EMX1: variants seen among roughly 807,000 people sequenced by gnomAD.
EMX1 encodes homeobox protein EMX1.
A neutral mutation model predicts 20.1 loss-of-function variants in EMX1; 10 were observed. That is an observed-to-expected ratio of 0.50 (90% CI 0.31 to 0.84). EMX1 has a LOEUF of 0.84. EMX1 is among the 40% of genes least tolerant of loss of function. The pLI, the probability that EMX1 is intolerant of heterozygous loss-of-function variation, is 0.05. For missense variants in EMX1, 424 were observed against 431.9 expected (o/e 0.98, Z 0.16); for synonymous variants, 250 against 200.4 (o/e 1.25, Z -2.09).
At chr2:72,916,517 G>T (rs1670964596), upstream of EMX1, 5 of 598,946 alleles carry the variant, frequency 8.3e-6, no homozygotes, top group Non-Finnish European at 1.5e-5. Context: ...GGGGAGTCCC[G>T]GCTCTCACAG....
chr2:72,933,531 C>T, intron 2 of EMX1: 1 of 512,140 alleles, frequency 2.0e-6, no homozygotes, highest in African/African-American at 1.9e-5. Context: ...AGCTCTGTGA[C>T]CCTTTGTTTG....
At chr2:72,916,480 G>A, upstream of EMX1, 1 of 589,578 alleles carries the variant, frequency 1.7e-6, no homozygotes, top group Non-Finnish European at 3.0e-6. Flanking sequence ...GCCTTTCTGC[G>A]GCCTCGAAGG....
At chr2:72,932,174 C>T (rs921332734) in intron 2 of EMX1, among the ~76,000 whole-genome samples, 7 of 152,238 alleles carry the variant, frequency 4.6e-5, no homozygotes, top group Non-Finnish European at 1.5e-5. Context: ...CAAGAGGCTA[C>T]CCACCATTCC....
At chr2:72,932,281 GGCCTTGTA>G (rs1211330655) in intron 2 of EMX1, among the ~76,000 whole-genome samples, 2 of 152,214 alleles carry the variant, frequency 1.3e-5, no homozygotes, top group African/African-American at 4.8e-5. Context: ...AAACCATCCA[GGCCTTGTA>G]GCCTGCCCTC....
At chr2:72,924,233 C>T in intron 1 of EMX1, 76 bp from the exon 2 acceptor site, 2 of 1,522,782 alleles carry the variant, frequency 1.3e-6, no homozygotes, top group Non-Finnish European at 1.8e-6. Context: ...AGGCCAGGCT[C>T]TGTTGGGCCC....
upstream of EMX1, chr2:72,916,478 G>T (rs983593781): frequency 1.0e-5 from 6 of 589,642 alleles, no homozygotes; most frequent in African/African-American, 3.7e-5. Context: ...GCGCCTTTCT[G>T]CGGCCTCGAA....
In EMX1 at chr2:72,923,221, A is replaced by G. The variant is rs138921106; in HGVS notation, c.521-1088A>G. On this transcript the variant is annotated intron_variant, in intron 1 of 2. Transcript: ENST00000258106. ...TCCTGCATGTGGGAGCTGAGTCCCT[A>G]TGCTGGCCAACATTTGCTAAGGGAC... Among the ~76,000 whole-genome samples, 25 of 152,212 alleles carry G rather than the reference A, an allele frequency of 1.6e-4. No homozygotes were observed. In the East Asian group the frequency reaches 4.8e-3, roughly 29 times the overall value.
At chr2:72,925,817 C>A in intron 2 of EMX1, 1 of 985,440 alleles carries the variant, frequency 1.0e-6, no homozygotes, top group Non-Finnish European at 1.2e-6. Flanking sequence ...GTCGTCATAT[C>A]TGTCTGCTGC....
chr2:72,926,498 C>CCTGTCCT (rs1671201851), intron 2 of EMX1: 1 of 195,042 alleles, frequency 5.1e-6, no homozygotes, highest in African/African-American at 2.4e-5. Context: ...GGGAACCTGC[C>CCTGTCCT]GTGGCAGCCT....
At chr2:72,929,697 T>C (rs952220774) in intron 2 of EMX1, among the ~76,000 whole-genome samples, 8 of 152,250 alleles carry the variant, frequency 5.3e-5, no homozygotes, top group Non-Finnish European at 1.2e-4. Flanking sequence ...CCAGACCTCG[T>C]TCATTCAGAA....
At chr2:72,925,618 A>G (rs962856803) in intron 2 of EMX1, 1 of 1,233,032 alleles carries the variant, frequency 8.1e-7, no homozygotes, top group Non-Finnish European at 1.0e-6. Context: ...TCTCGACCCT[A>G]CTACACCACC....
chr2:72,925,858 G>C, intron 2 of EMX1: 2 of 985,402 alleles, frequency 2.0e-6, no homozygotes, highest in Non-Finnish European at 2.4e-6. Context: ...CTCACGGGTC[G>C]GAGGCAGGAC....
At chr2:72,917,118 A>T, upstream of EMX1, 1 of 617,446 alleles carries the variant, frequency 1.6e-6, no homozygotes. Flanking sequence ...TTTCGGGAAA[A>T]CCAATGTGTT....
chr2:72,916,750 G>A (rs1460281588), upstream of EMX1: 2 of 717,286 alleles, frequency 2.8e-6, no homozygotes, highest in East Asian at 2.7e-5. Flanking sequence ...GACCTGGTCC[G>A]GCCCGCCGAC....
intron 2 of EMX1, among the ~76,000 whole-genome samples, chr2:72,925,123 G>C (rs1462770503): frequency 1.3e-5 from 2 of 152,202 alleles, no homozygotes; most frequent in Non-Finnish European, 2.9e-5. Flanking sequence ...GGCTGTGGAA[G>C]CCACGGTGTG....
upstream of EMX1, chr2:72,916,436 C>G: frequency 1.8e-6 from 1 of 553,506 alleles, no homozygotes; most frequent in East Asian, 3.1e-5. Context: ...AGCCTCCCCA[C>G]CGCCGCCCGC....
In EMX1 at chr2:72,934,047, C is replaced by A; in HGVS notation, c.*93C>A. 1 of 1,531,600 alleles carries A rather than the reference C, an allele frequency of 6.5e-7. No individual in the cohort carries two copies. 94.9% of individuals were successfully genotyped at this position (1,531,600 alleles called of 1,614,324 possible). On this transcript the variant is annotated 3_prime_UTR_variant, in exon 3 of 3. Coordinates refer to ENST00000258106, the MANE Select transcript of EMX1 (RefSeq NM_004097.3). ...AAGCTGGACTCTGGCCACTCCCTGG[C>A]CAGGCTTTGGGGAGGCCTGGAGTCA...
chr2:72,924,529 G>C, intron 2 of EMX1, 36 bp downstream of exon 2: 2 of 1,518,678 alleles, frequency 1.3e-6, no homozygotes, highest in Non-Finnish European at 1.8e-6. Flanking sequence ...CCTGCGCCCG[G>C]AGCCCGGGTG....
At chr2:72,919,980 CG>C (rs1361224351) in intron 1 of EMX1, among the ~76,000 whole-genome samples, 2 of 152,186 alleles carry the variant, frequency 1.3e-5, no homozygotes, top group African/African-American at 4.8e-5. Context: ...TGTGAGCCCG[CG>C]GGCCGCCGCG....
Sources: allele counts gnomAD v4.1 joint callset (sites outside exome capture counted in the v4.1 genomes callset), GRCh38; gene constraint gnomAD v4.1.1; transcripts MANE v1.5; gene names NCBI Gene and HGNC (gene_info 2026-07-23, HGNC 2026-07-21).